THADA: variants seen among roughly 807,000 people sequenced by gnomAD.
THADA encodes THADA armadillo repeat containing, also known as tRNA (32-2'-O)-methyltransferase regulator THADA.
In THADA, 213 loss-of-function variants were observed where a neutral mutation model predicts 219.8. The observed-to-expected ratio is 0.97, with a 90% CI of 0.87 to 1.09. The LOEUF (loss-of-function observed/expected upper bound fraction) is 1.09. Among genes scored for constraint, THADA ranks in the 50% least tolerant of loss-of-function variants. THADA has a pLI of 0.00. For missense variants in THADA, 2,956 were observed against 2,311.3 expected (o/e 1.28, Z -5.72); for synonymous variants, 1,018 against 828.9 (o/e 1.23, Z -3.92).
At position 43,292,191 on chromosome 2, in the gene THADA, C is replaced by T; in HGVS notation, c.4850G>A (p.Gly1617Asp). 4 of 1,611,650 alleles carry T rather than the reference C, an allele frequency of 2.5e-6. No individual in the cohort carries two copies. Among genetic ancestry groups the T allele is most frequent in the Non-Finnish European group, 3.4e-6 (4 of 1,179,036 alleles). ...GTGCTCCGTCTGGGGAAGCCACTCACCAGGGTCCATGCAGTGGAGAATTTT... is the reference window on the plus strand; with the variant it reads ...GTGCTCCGTCTGGGGAAGCCACTCATCAGGGTCCATGCAGTGGAGAATTTT... ...ILKILHCMDP[G>D]EWLPQTEHCV... The change falls in exon 33 of 38, where the codon GGT becomes GAT. Residue 1617 changes from glycine to aspartate, a missense_variant. By Grantham distance (94) the Gly-to-Asp change is moderately conservative. Transcript: ENST00000405975.
chr2:43,438,902 G>C (rs1462696280), intron 26 of THADA, among the ~76,000 whole-genome samples: 1 of 152,156 alleles, frequency 6.6e-6, no homozygotes, highest in Non-Finnish European at 1.5e-5. Flanking sequence ...TGTAATAAAA[G>C]TTAAATGAAT....
intron 29 of THADA, among the ~76,000 whole-genome samples, chr2:43,374,389 G>A (rs993830292): frequency 6.6e-6 from 1 of 152,142 alleles, no homozygotes; most frequent in East Asian, 1.9e-4. Context: ...CTGTAAAATA[G>A]TATTCACTTT....
At chr2:43,453,725 A>G (rs1682642969) in intron 26 of THADA, among the ~76,000 whole-genome samples, 1 of 152,208 alleles carries the variant, frequency 6.6e-6, no homozygotes, top group African/African-American at 2.4e-5. Context: ...CAGCCTGTAC[A>G]TTGAAATTAC....
chr2:43,592,823 G>A (rs1418822124), intron 1 of THADA: 1 of 153,774 alleles, frequency 6.5e-6, no homozygotes, highest in African/African-American at 2.4e-5. Flanking sequence ...TTTTTCCAAA[G>A]ATAAAATACT....
chr2:43,324,140 T>G (rs1679061830), intron 30 of THADA, among the ~76,000 whole-genome samples: 1 of 152,232 alleles, frequency 6.6e-6, no homozygotes, highest in African/African-American at 2.4e-5. Flanking sequence ...AGAAACCGGT[T>G]TGACTTTCAA....
chr2:43,423,685 G>T (rs781677884), intron 28 of THADA, among the ~76,000 whole-genome samples: 2 of 152,114 alleles, frequency 1.3e-5, no homozygotes, highest in Non-Finnish European at 2.9e-5. Context: ...GCCCGCCTCG[G>T]CCTCTGAGAC....
intron 31 of THADA, among the ~76,000 whole-genome samples, chr2:43,307,432 G>T (rs1676992698): frequency 6.6e-6 from 1 of 151,684 alleles, no homozygotes; most frequent in African/African-American, 2.4e-5. Flanking sequence ...CATGCAAGGG[G>T]TGAAACTCTG....
At chr2:43,254,663 C>T (rs1670128707) in intron 36 of THADA, among the ~76,000 whole-genome samples, 1 of 152,104 alleles carries the variant, frequency 6.6e-6, no homozygotes, top group African/African-American at 2.4e-5. Flanking sequence ...TCTGCCCATC[C>T]TTTAAGGTTT....
chr2:43,508,306 T>A (rs908852268), intron 23 of THADA, among the ~76,000 whole-genome samples: 19 of 151,582 alleles, frequency 1.3e-4, no homozygotes, highest in East Asian at 3.9e-4. Context: ...AGACTATTTT[T>A]AAAAAAAAAT....
At chr2:43,315,773 A>T (rs1678008507) in intron 31 of THADA, among the ~76,000 whole-genome samples, 1 of 152,214 alleles carries the variant, frequency 6.6e-6, no homozygotes, top group Admixed American at 6.5e-5. Flanking sequence ...AGCCAGTTAC[A>T]TTATTTTGGA....
intron 25 of THADA, 107 bp from the exon 26 acceptor site, chr2:43,485,432 G>A (rs1436205761): frequency 1.3e-6 from 1 of 766,554 alleles, no homozygotes. Flanking sequence ...ACTGGCTAGT[G>A]TGAGGCTAAA....
intron 7 of THADA, among the ~76,000 whole-genome samples, chr2:43,583,336 A>C (rs1368278914): frequency 6.6e-6 from 1 of 152,154 alleles, no homozygotes; most frequent in Non-Finnish European, 1.5e-5. Context: ...ATACATCTAG[A>C]ATCAGACCAA....
At chr2:43,389,709 C>G (rs905022367) in intron 29 of THADA, among the ~76,000 whole-genome samples, 1 of 152,178 alleles carries the variant, frequency 6.6e-6, no homozygotes, top group African/African-American at 2.4e-5. Context: ...TGATGCCCTC[C>G]TCCATGCCTG....
intron 31 of THADA, among the ~76,000 whole-genome samples, chr2:43,297,955 G>T (rs1292458556): frequency 5.3e-5 from 5 of 93,474 alleles, no homozygotes; most frequent in Non-Finnish European, 8.2e-5. Flanking sequence ...GAGGTGGGGG[G>T]GTCAGCCCCC....
intron 21 of THADA, among the ~76,000 whole-genome samples, chr2:43,528,850 T>C (rs922704599): frequency 2.0e-5 from 3 of 152,216 alleles, no homozygotes; most frequent in Non-Finnish European, 4.4e-5. Flanking sequence ...TAACCCTTTT[T>C]AAATGTACAA....
chr2:43,372,525 C>G (rs1361350214), intron 29 of THADA, among the ~76,000 whole-genome samples: 1 of 152,040 alleles, frequency 6.6e-6, no homozygotes, highest in African/African-American at 2.4e-5. Flanking sequence ...GTTCTAGGGT[C>G]AGGAGTTTCT....
chr2:43,358,047 T>C (rs1044752127), intron 29 of THADA, among the ~76,000 whole-genome samples: 7 of 152,134 alleles, frequency 4.6e-5, no homozygotes, highest in Non-Finnish European at 7.4e-5. Context: ...ATAGGCACAG[T>C]ATTATTAACC....
At chr2:43,458,053 T>C (rs955878494) in intron 26 of THADA, among the ~76,000 whole-genome samples, 2 of 152,118 alleles carry the variant, frequency 1.3e-5, no homozygotes, top group African/African-American at 2.4e-5. Flanking sequence ...CAAGGCTTAT[T>C]TATGGAAAGG....
chr2:43,451,989 C>A (rs895751821), intron 26 of THADA, among the ~76,000 whole-genome samples: 2 of 152,146 alleles, frequency 1.3e-5, no homozygotes, highest in African/African-American at 4.8e-5. Flanking sequence ...TACCTGTAGT[C>A]CCAGCTACTC....
Sources: allele counts gnomAD v4.1 joint callset (sites outside exome capture counted in the v4.1 genomes callset), GRCh38; gene constraint gnomAD v4.1.1; transcripts MANE v1.5; gene names NCBI Gene and HGNC (gene_info 2026-07-23, HGNC 2026-07-21).